JHY: variants seen among roughly 807,000 people sequenced by gnomAD.
JHY encodes the protein junctional cadherin complex regulator.
JHY carries 69 observed loss-of-function variants against 78.0 expected under a neutral mutation model. The ratio of observed to expected loss-of-function variants is 0.88; its 90% CI spans 0.73 to 1.08. The LOEUF (loss-of-function observed/expected upper bound fraction) is 1.08. JHY is among the 50% of genes least tolerant of loss of function. The probability of loss-of-function intolerance (pLI) is 0.00; values close to 1 mark genes in which losing one functional copy is unlikely to be tolerated. For synonymous variants in JHY, 368 were observed against 342.6 expected, an observed-to-expected ratio of 1.07 and a Z score of -0.82; for missense variants, 944 against 927.8, an observed-to-expected ratio of 1.02 and a Z score of -0.23.
chr11:122,957,583 CAG>C, intron 8 of JHY, 92 bp downstream of exon 8: 1 of 1,257,726 alleles, frequency 8.0e-7, no homozygotes, highest in Non-Finnish European at 1.0e-6. Flanking sequence ...TAATTAGCCA[CAG>C]AGTCTTGCCG....
chr11:122,945,431 A>T (rs1263869165), intron 5 of JHY, among the ~76,000 whole-genome samples: 1 of 152,126 alleles, frequency 6.6e-6, no homozygotes, highest in African/African-American at 2.4e-5. Context: ...CTCATTTTAA[A>T]CTACCTTATG....
chr11:122,928,873 C>T (rs1052253955), intron 4 of JHY, among the ~76,000 whole-genome samples: 2 of 152,230 alleles, frequency 1.3e-5, no homozygotes, highest in Admixed American at 1.3e-4. Flanking sequence ...TGGTCTTGAT[C>T]TCCTGACCTC....
chr11:122,932,429 A>C (rs905334683), intron 4 of JHY, among the ~76,000 whole-genome samples: 3 of 152,230 alleles, frequency 2.0e-5, no homozygotes, highest in African/African-American at 7.2e-5. Context: ...AACATGATTA[A>C]GATCAAGTGG....
chr11:122,957,287 C>G, intron 7 of JHY, 76 bp from the exon 8 acceptor site: 1 of 1,442,230 alleles, frequency 6.9e-7, no homozygotes, highest in Non-Finnish European at 9.1e-7. Context: ...ATACTGAAAC[C>G]AGGGCATCGC....
intron 2 of JHY, 39 bp downstream of exon 2, chr11:122,886,232 A>G (rs1862495039): frequency 6.5e-7 from 1 of 1,530,056 alleles, no homozygotes; most frequent in African/African-American, 1.4e-5. Context: ...ATGGGCTCTA[A>G]AATGTATCAT....
At chr11:122,938,846 T>C (rs1296778193) in intron 5 of JHY, among the ~76,000 whole-genome samples, 1 of 152,114 alleles carries the variant, frequency 6.6e-6, no homozygotes, top group East Asian at 1.9e-4. Context: ...AGATTTATTA[T>C]CTGTGCTTGG....
In JHY at chr11:122,886,051, G is replaced by T; in HGVS notation, c.202G>T (p.Gly68Cys). 1 of 1,614,096 alleles carries T rather than the reference G, an allele frequency of 6.2e-7. No individual in the cohort carries two copies. The highest frequency in any genetic ancestry group is 2.2e-5 in the East Asian group (1 of 44,872). Residue 68 changes from glycine (G) to cysteine (C), a missense_variant, in exon 2 of 9, where the codon GGT (glycine) becomes TGT (cysteine). Physicochemically the swap from Gly to Cys is radical, Grantham distance 159. Coordinates refer to ENST00000227349, the MANE Select transcript of JHY (RefSeq NM_024806.4). ...SEFDDRIRGN[G>C]MEPDSLDEEE... ...GTTTGATGATCGAATCCGGGGCAAC[G>T]GTATGGAGCCCGACAGCTTAGACGA...
At chr11:122,925,048 G>A (rs1443239281) in intron 4 of JHY, 38 bp downstream of exon 4, 4 of 1,420,530 alleles carry the variant, frequency 2.8e-6, no homozygotes, top group African/African-American at 1.4e-5. Flanking sequence ...TGTTTCAAGC[G>A]ATACTGCTGA....
intron 2 of JHY, among the ~76,000 whole-genome samples, chr11:122,894,800 T>C (rs1862704363): frequency 6.6e-6 from 1 of 152,238 alleles, no homozygotes. Context: ...AAATTATGTA[T>C]TTTTATAAAT....
chr11:122,934,014 A>G (rs1863689584), intron 4 of JHY, among the ~76,000 whole-genome samples: 1 of 152,208 alleles, frequency 6.6e-6, no homozygotes, highest in Non-Finnish European at 1.5e-5. Context: ...TGTCCTTAAT[A>G]TAAAGCCCAT....
At position 122,934,552 on chromosome 11, in the gene JHY, A is replaced by G. The variant is rs1206850796; in HGVS notation, c.1111A>G (p.Lys371Glu). ...PAKLKIRKQC[K>E]HQNGLKSSTT... ...CAAGCTCAAGATTCGAAAGCAGTGT[A>G]AACACCAGAATGGCCTGAAGTCTTC... The change falls in exon 5 of 9, where the codon AAA becomes GAA. Residue 371 changes from lysine (K) to glutamate (E), a missense_variant. By Grantham distance (56) the Lys-to-Glu change is moderately conservative. Transcript: ENST00000227349. 1 of 1,614,108 alleles carries G rather than the reference A, an allele frequency of 6.2e-7. No homozygotes were observed. The highest frequency in any genetic ancestry group is 1.7e-5 in the Admixed American group (1 of 60,016).
chr11:122,946,555 C>T lies in JHY; in HGVS notation c.1692C>T (p.Leu564=), dbSNP rs1863964847. 6.2e-7 allele frequency: 1 copy of T among 1,613,498 alleles called. No individual in the cohort carries two copies. The highest frequency in any genetic ancestry group is 8.5e-7 in the Non-Finnish European group (1 of 1,179,878). The change falls in exon 6 of 9, where the codon CTC becomes CTT. Residue 564 remains leucine (L), a synonymous_variant. Coordinates refer to ENST00000227349, the MANE Select transcript of JHY (RefSeq NM_024806.4). ...TTAGAGCTTCTCCAGATTCATGGCT[C>T]ACCCAGATAATGGAGCAGCATCAGC... ...QTVRASPDSW[L]TQIMEQHQQA...
intron 3 of JHY, among the ~76,000 whole-genome samples, chr11:122,916,803 TA>T (rs1329253724): frequency 6.6e-6 from 1 of 152,014 alleles, no homozygotes; most frequent in Non-Finnish European, 1.5e-5. Flanking sequence ...GACGCCCAGC[TA>T]AATTTTGTAT....
At chr11:122,923,596 G>A (rs574781837) in intron 3 of JHY, among the ~76,000 whole-genome samples, 1 of 152,336 alleles carries the variant, frequency 6.6e-6, no homozygotes, top group African/African-American at 2.4e-5. Context: ...TGGAGGCAAT[G>A]AAGGGCCCTT....
At chr11:122,954,798 T>C (rs931018540) in intron 6 of JHY, among the ~76,000 whole-genome samples, 14 of 126,410 alleles carry the variant, frequency 1.1e-4, no homozygotes, top group African/African-American at 4.3e-4. Context: ...GGCCTCAAAC[T>C]AAATAAATAG....
chr11:122,910,900 C>T (rs1386127677), intron 3 of JHY, among the ~76,000 whole-genome samples: 3 of 152,130 alleles, frequency 2.0e-5, no homozygotes, highest in Admixed American at 6.6e-5. Context: ...GGAAAAATCA[C>T]CTTTGAATAC....
Position 122,883,550 on chromosome 11 carries a change from T to C in JHY, c.-90+578T>C, listed in dbSNP as rs1247171842. 6.6e-6 allele frequency among the ~76,000 whole-genome samples: 1 copy of C among 151,914 alleles called. No individual in the cohort carries two copies. Among genetic ancestry groups the C allele is most frequent in the African/African-American group, 2.4e-5 (1 of 41,360 alleles). On this transcript the variant is annotated intron_variant, in intron 1 of 8. Coordinates refer to ENST00000227349, the MANE Select transcript of JHY (RefSeq NM_024806.4). This position sits in a 1 kb window ranked among gnomAD's most constrained non-coding sequence, Gnocchi z 4.4. ...CTGTCTTGTTTATTCAGGAGACTAG[T>C]CACCTCTCTTGGTCAGAAATTTCAG...
At chr11:122,887,505 T>C (rs1862520257) in intron 2 of JHY, among the ~76,000 whole-genome samples, 1 of 152,166 alleles carries the variant, frequency 6.6e-6, no homozygotes, top group African/African-American at 2.4e-5. Context: ...GCATTTTTAG[T>C]AGAGACGGGG....
chr11:122,930,439 T>C (rs1274035007), intron 4 of JHY, among the ~76,000 whole-genome samples: 4 of 152,126 alleles, frequency 2.6e-5, no homozygotes, highest in African/African-American at 9.7e-5. Context: ...TTCCTTCTTT[T>C]CATAGGAGAG....
Sources: gnomAD v4.1 joint callset for allele counts (sites outside exome capture counted in the v4.1 genomes callset) on GRCh38, gnomAD v4.1.1 for gene constraint, Gnocchi (gnomAD v3.1) non-coding constraint, MANE v1.5 for transcripts, NCBI Gene and HGNC (gene_info 2026-07-23, HGNC 2026-07-21) for gene names.